GRM3: variants seen among roughly 807,000 people sequenced by gnomAD.
GRM3 encodes the protein glutamate metabotropic receptor 3.
Under a neutral mutation model 70.5 loss-of-function variants are expected in GRM3, and 26 were observed. That is an observed-to-expected ratio of 0.37 (90% confidence interval 0.27 to 0.51). The LOEUF (loss-of-function observed/expected upper bound fraction) is 0.51. GRM3 is among the 20% of genes least tolerant of loss of function. The pLI is 0.93. For synonymous variants in GRM3, 443 were observed against 434.9 expected, an observed-to-expected ratio of 1.02 and a Z score of -0.23; for missense variants, 859 against 1,123.8, an observed-to-expected ratio of 0.76 and a Z score of 3.37.
At chr7:86,702,770 A>G (rs1429211391) in intron 1 of GRM3, among the ~76,000 whole-genome samples, 1 of 151,986 alleles carries the variant, frequency 6.6e-6, no homozygotes, top group African/African-American at 2.4e-5. Flanking sequence ...TTGAGTACCT[A>G]GCAGTTCTAA....
rs1299438135 is a variant in GRM3, at chr7:86,644,734, G to A, written c.-279G>A. 2 of 1,198,092 alleles carry A rather than the reference G, an allele frequency of 1.7e-6. No homozygotes were observed. 74.2% of individuals were successfully genotyped at this position (1,198,092 alleles called of 1,614,324 possible). A position where few individuals can be genotyped will look rare whatever the true frequency, so the allele number is the denominator to read the frequency against. On this transcript the variant is annotated 5_prime_UTR_variant, in exon 1 of 6. Transcript: ENST00000361669. ...GCAAAATAAGTTCTCCCTTGGATTT[G>A]GAAAGGACAAAGCCAGTAAGCTACC... is the stretch of plus-strand genomic sequence containing the variant.
At chr7:86,727,385 G>T (rs186122756) in intron 1 of GRM3, among the ~76,000 whole-genome samples, 1 of 152,072 alleles carries the variant, frequency 6.6e-6, no homozygotes, top group Non-Finnish European at 1.5e-5. Flanking sequence ...AATCCCAAAA[G>T]TTCTTGAAGA....
At chr7:86,694,364 T>G (rs1794762366) in intron 1 of GRM3, among the ~76,000 whole-genome samples, 1 of 151,268 alleles carries the variant, frequency 6.6e-6, no homozygotes, top group Non-Finnish European at 1.5e-5. Context: ...TACAAAAAAT[T>G]AGCCGGGCTT....
chr7:86,846,428 A>G (rs2116758883), intron 4 of GRM3, among the ~76,000 whole-genome samples: 1 of 152,294 alleles, frequency 6.6e-6, no homozygotes, highest in South Asian at 2.1e-4. Flanking sequence ...ACCTTCTCTG[A>G]AAGTCTCTCT....
chr7:86,823,910 G>C (rs1798178845), intron 3 of GRM3, among the ~76,000 whole-genome samples: 1 of 152,088 alleles, frequency 6.6e-6, no homozygotes, highest in Non-Finnish European at 1.5e-5. Flanking sequence ...TACTTACCCA[G>C]GTGTCCTTAT....
intron 1 of GRM3, among the ~76,000 whole-genome samples, chr7:86,738,278 A>G (rs1184217538): frequency 1.3e-5 from 2 of 152,182 alleles, no homozygotes; most frequent in Admixed American, 6.5e-5. Flanking sequence ...GAAGATGTCA[A>G]ATTCACACAT....
intron 1 of GRM3, among the ~76,000 whole-genome samples, chr7:86,749,805 C>T (rs1422321146): frequency 2.0e-5 from 3 of 152,052 alleles, no homozygotes; most frequent in Non-Finnish European, 2.9e-5. Flanking sequence ...ATCTTCCTTA[C>T]TGCTTTTCAG....
chr7:86,835,108 G>A (rs1357557712), intron 3 of GRM3, among the ~76,000 whole-genome samples: 1 of 152,016 alleles, frequency 6.6e-6, no homozygotes, highest in African/African-American at 2.4e-5. Context: ...TGTGGAAAGA[G>A]ACCAAGAGAA....
At chr7:86,722,416 G>A (rs1377931148) in intron 1 of GRM3, among the ~76,000 whole-genome samples, 2 of 152,054 alleles carry the variant, frequency 1.3e-5, no homozygotes, top group African/African-American at 4.8e-5. Flanking sequence ...GGAATACTAT[G>A]CAGCCATAAA....
chr7:86,819,341 CT>C (rs566382008), intron 3 of GRM3, among the ~76,000 whole-genome samples: 68 of 152,040 alleles, frequency 4.5e-4, no homozygotes, highest in African/African-American at 1.6e-3. Context: ...TCAAGGAAAG[CT>C]TTGAAAAAAA....
chr7:86,756,904 G>A (rs1796358904), intron 1 of GRM3, among the ~76,000 whole-genome samples: 1 of 151,964 alleles, frequency 6.6e-6, no homozygotes, highest in South Asian at 2.1e-4. Context: ...TTTTCTCTCT[G>A]ATTGGATTAG....
intron 1 of GRM3, among the ~76,000 whole-genome samples, chr7:86,748,294 T>C (rs1207994896): frequency 6.6e-6 from 1 of 151,608 alleles, no homozygotes; most frequent in Non-Finnish European, 1.5e-5. Context: ...TAACTAACCA[T>C]CCCCCTCAGG....
chr7:86,863,839 C>A (rs1025121831), intron 5 of GRM3, among the ~76,000 whole-genome samples: 3 of 152,108 alleles, frequency 2.0e-5, no homozygotes, highest in African/African-American at 7.2e-5. Context: ...AAGTGACTTC[C>A]TTCAACAATG....
At chr7:86,837,349 C>T (rs1331091157) in intron 3 of GRM3, among the ~76,000 whole-genome samples, 1 of 152,112 alleles carries the variant, frequency 6.6e-6, no homozygotes, top group Non-Finnish European at 1.5e-5. Flanking sequence ...TCCTGGACAG[C>T]GTTTCCCTGT....
At chr7:86,678,129 A>G (rs1322685048) in intron 1 of GRM3, among the ~76,000 whole-genome samples, 1 of 152,038 alleles carries the variant, frequency 6.6e-6, no homozygotes, top group East Asian at 1.9e-4. Context: ...CTGCATAAAA[A>G]TGAAGTATAT....
chr7:86,715,876 G>T (rs906760905), intron 1 of GRM3, among the ~76,000 whole-genome samples: 3 of 152,000 alleles, frequency 2.0e-5, no homozygotes, highest in Non-Finnish European at 4.4e-5. Context: ...GAAAGTAAGG[G>T]TGGGGTAGAG....
chr7:86,855,138 C>T (rs1021727046), intron 5 of GRM3, among the ~76,000 whole-genome samples: 1 of 152,188 alleles, frequency 6.6e-6, no homozygotes, highest in Non-Finnish European at 1.5e-5. Context: ...TTTTTATTCT[C>T]TTCTGCTCTA....
intron 1 of GRM3, among the ~76,000 whole-genome samples, chr7:86,664,779 A>G (rs1198062155): frequency 6.6e-6 from 1 of 152,038 alleles, no homozygotes; most frequent in African/African-American, 2.4e-5. Context: ...ATTCAACTGC[A>G]TACCCACCTC....
intron 5 of GRM3, among the ~76,000 whole-genome samples, chr7:86,861,979 A>C (rs1196683633): frequency 2.0e-5 from 3 of 152,184 alleles, no homozygotes; most frequent in Non-Finnish European, 2.9e-5. Context: ...AACTGGTTAG[A>C]CGTAAATCTA....
Sources: gnomAD v4.1 joint callset for allele counts (sites outside exome capture counted in the v4.1 genomes callset) on GRCh38, gnomAD v4.1.1 for gene constraint, MANE v1.5 for transcripts, NCBI Gene and HGNC (gene_info 2026-07-23, HGNC 2026-07-21) for gene names.